Variants in RNF13 observed in about 807,000 individuals in gnomAD.
The protein encoded by RNF13 is E3 ubiquitin-protein ligase RNF13.
RNF13 carries 19 observed loss-of-function variants against 37.7 expected under a neutral mutation model. The ratio of observed to expected loss-of-function variants is 0.50; its 90% CI spans 0.35 to 0.74. The LOEUF is 0.74. Ranked by LOEUF, RNF13 falls within the 30% of genes least tolerant of loss-of-function variation. The probability of loss-of-function intolerance (pLI) is 0.01; values close to 1 mark genes in which losing one functional copy is unlikely to be tolerated. For synonymous variants in RNF13, 144 were observed against 157.8 expected (o/e 0.91, Z 0.65); for missense variants, 375 against 453.0 (o/e 0.83, Z 1.56).
intron 3 of RNF13, among the ~76,000 whole-genome samples, chr3:149,853,173 A>G (rs1723272151): frequency 6.6e-6 from 1 of 152,076 alleles, no homozygotes; most frequent in South Asian, 2.1e-4. Context: ...CAGTGCTACA[A>G]TGAATGTTTT....
chr3:149,863,261 G>A (rs1038204393), intron 3 of RNF13, among the ~76,000 whole-genome samples: 1 of 152,318 alleles, frequency 6.6e-6, no homozygotes, highest in South Asian at 2.1e-4. Flanking sequence ...ATTGCAAATG[G>A]CAAGTGCTGT....
At chr3:149,816,796 C>G (rs539479000) in intron 1 of RNF13, among the ~76,000 whole-genome samples, 8 of 152,060 alleles carry the variant, frequency 5.3e-5, no homozygotes, top group Admixed American at 5.2e-4. Context: ...GTGAACAGGT[C>G]CAATGGAAGA....
At chr3:149,911,320 T>C (rs1045217835) in intron 6 of RNF13, among the ~76,000 whole-genome samples, 1 of 152,138 alleles carries the variant, frequency 6.6e-6, no homozygotes, top group African/African-American at 2.4e-5. Flanking sequence ...ACCATGATTT[T>C]ACGTATAAAA....
intron 8 of RNF13, among the ~76,000 whole-genome samples, chr3:149,937,541 G>C (rs1719824342): frequency 6.6e-6 from 1 of 152,000 alleles, no homozygotes; most frequent in South Asian, 2.1e-4. Flanking sequence ...TTTTCTGTAC[G>C]GGAAAATCAA....
chr3:149,906,351 C>A (rs1274126242), intron 6 of RNF13, among the ~76,000 whole-genome samples: 2 of 151,616 alleles, frequency 1.3e-5, no homozygotes, highest in Non-Finnish European at 2.9e-5. Context: ...TTGGTATATA[C>A]CTAGAATGGA....
At chr3:149,952,325 T>G (rs1386778113) in intron 8 of RNF13, among the ~76,000 whole-genome samples, 1 of 152,080 alleles carries the variant, frequency 6.6e-6, no homozygotes, top group East Asian at 1.9e-4. Flanking sequence ...GCAACAAATA[T>G]TAGACTAATC....
intron 5 of RNF13, among the ~76,000 whole-genome samples, chr3:149,900,423 T>G (rs1715700508): frequency 6.6e-6 from 1 of 151,430 alleles, no homozygotes; most frequent in African/African-American, 2.4e-5. Flanking sequence ...CCTCTGCATC[T>G]ATTAAAAAAA....
intron 1 of RNF13, among the ~76,000 whole-genome samples, chr3:149,831,240 A>G (rs1237781141): frequency 6.6e-6 from 1 of 152,208 alleles, no homozygotes; most frequent in Non-Finnish European, 1.5e-5. Context: ...AGACTCCAGA[A>G]TGGTAGATCC....
At chr3:149,915,999 G>T (rs1396024615) in intron 7 of RNF13, among the ~76,000 whole-genome samples, 1 of 147,062 alleles carries the variant, frequency 6.8e-6, no homozygotes, top group Non-Finnish European at 1.5e-5. Flanking sequence ...GGTTTATGTT[G>T]TGTATATTTT....
chr3:149,850,281 A>C (rs1288716902), intron 2 of RNF13, among the ~76,000 whole-genome samples: 1 of 152,170 alleles, frequency 6.6e-6, no homozygotes, highest in Non-Finnish European at 1.5e-5. Context: ...CATCCGGCCT[A>C]CTACTTCAGA....
rs1290714337 is a variant in RNF13 at position 149,961,000 on chromosome 3, G to T, written c.1042G>T (p.Asp348Tyr). Residue 348 changes from aspartate (D) to tyrosine (Y), a missense_variant, in exon 10 of 10, where the codon GAT (aspartate) becomes TAT (tyrosine). By Grantham distance (160) the Asp-to-Tyr change is radical. Coordinates refer to ENST00000392894, the MANE Select transcript of RNF13 (RefSeq NM_183381.3). ...AGACTATGAGGAAGACGACAATGAA[G>T]ATACTGACAGTAGTGATGCAGAAAA... is the stretch of plus-strand genomic sequence containing the variant. Reference protein sequence around the residue: ...SSDYEEDDNEDTDSSDAENEI... With the variant: ...SSDYEEDDNEYTDSSDAENEI... The T allele has an allele frequency of 6.2e-7, 1 of 1,614,092 alleles. No individual in the cohort carries two copies. The highest frequency in any genetic ancestry group is 8.5e-7 in the Non-Finnish European group (1 of 1,180,040).
At chr3:149,894,731 C>T (rs1441285379) in intron 4 of RNF13, among the ~76,000 whole-genome samples, 2 of 151,966 alleles carry the variant, frequency 1.3e-5, no homozygotes, top group Non-Finnish European at 2.9e-5. Context: ...TTTATTCAAC[C>T]AATATGCAAA....
At chr3:149,822,388 A>G (rs896594031) in intron 1 of RNF13, 4 of 152,110 alleles carry the variant, frequency 2.6e-5, no homozygotes, top group African/African-American at 7.2e-5. Context: ...TTTGGATACT[A>G]TTATACATGG....
At chr3:149,912,633 A>G (rs1299221532) in intron 7 of RNF13, among the ~76,000 whole-genome samples, 2 of 152,190 alleles carry the variant, frequency 1.3e-5, no homozygotes, top group East Asian at 3.8e-4. Flanking sequence ...TGTTAATTAT[A>G]GAATCCAGGT....
At chr3:149,829,881 G>T (rs141974211) in intron 1 of RNF13, among the ~76,000 whole-genome samples, 3 of 152,120 alleles carry the variant, frequency 2.0e-5, no homozygotes, top group Admixed American at 6.6e-5. Context: ...CATGGGGGTG[G>T]TTTTTTCTGT....
chr3:149,881,223 C>A (rs755938409), intron 4 of RNF13, among the ~76,000 whole-genome samples: 4 of 151,934 alleles, frequency 2.6e-5, no homozygotes, highest in Non-Finnish European at 4.4e-5. Flanking sequence ...TCAAAAATTG[C>A]TTTTTATTTG....
intron 7 of RNF13, among the ~76,000 whole-genome samples, chr3:149,920,404 T>G (rs1717996471): frequency 6.6e-6 from 1 of 150,738 alleles, no homozygotes; most frequent in Admixed American, 6.6e-5. Flanking sequence ...CCAGGCTAAT[T>G]TTTTTCTTTT....
intron 6 of RNF13, among the ~76,000 whole-genome samples, chr3:149,908,303 G>A (rs1716637651): frequency 6.6e-6 from 1 of 151,892 alleles, no homozygotes; most frequent in Admixed American, 6.6e-5. Flanking sequence ...CCTTTGGGAG[G>A]GTATTTAATC....
Position 149,824,558 on chromosome 3 carries a change from T to TA in RNF13, c.-17+11209dup, listed in dbSNP as rs527707806. On this transcript the variant is annotated intron_variant, in intron 1 of 9. Coordinates refer to ENST00000392894, the MANE Select transcript of RNF13 (RefSeq NM_183381.3). ...ATAACAATCAAATTGTTGTATAATGTAAAACATTTTCATTTAAAAACATAC... is the reference window on the plus strand; with the variant it reads ...ATAACAATCAAATTGTTGTATAATGTAAAAACATTTTCATTTAAAAACATAC... Among the ~76,000 whole-genome samples, 666 of 152,196 alleles carry TA rather than the reference T, an allele frequency of 4.4e-3. 3 individuals are homozygous for TA. Among genetic ancestry groups the TA allele is most frequent in the Non-Finnish European group, 7.1e-3 (480 of 68,002 alleles).
Sources: allele counts gnomAD v4.1 joint callset (sites outside exome capture counted in the v4.1 genomes callset), GRCh38; gene constraint gnomAD v4.1.1; transcripts MANE v1.5; gene names NCBI Gene and HGNC (gene_info 2026-07-23, HGNC 2026-07-21).